Variants in SHROOM4 observed in about 807,000 individuals in gnomAD.
SHROOM4 encodes the protein protein Shroom4.
A neutral mutation model predicts 80.3 loss-of-function variants in SHROOM4; 17 were observed. The ratio of observed to expected loss-of-function variants is 0.21; its 90% CI spans 0.14 to 0.32. The LOEUF (loss-of-function observed/expected upper bound fraction) is 0.32, where lower values mean the gene tolerates loss of function less well. Ranked by LOEUF, SHROOM4 falls within the 10% of genes least tolerant of loss-of-function variation. SHROOM4 has a pLI of 1.00. For synonymous variants in SHROOM4, 400 were observed against 437.5 expected, an observed-to-expected ratio of 0.91 and a Z score of 1.07; for missense variants, 993 against 1,140.3, an observed-to-expected ratio of 0.87 and a Z score of 1.86.
Position 50,700,387 on chromosome X carries a change from C to T in SHROOM4, c.118-4450G>A, listed in dbSNP as rs144721626. Among the ~76,000 whole-genome samples the T allele has an allele frequency of 3.7e-3, 415 of 111,721 alleles. 1 individual carries two copies. Among genetic ancestry groups the T allele is most frequent in the African/African-American group, 0.013 (385 of 30,794 alleles). On this transcript the variant is annotated intron_variant, in intron 1 of 8. Transcript: ENST00000376020. ...CATCAATTTGGCCTTTTCTGGGAAA[C>T]GAATAGAAAAATGTAGAGCTAGGGT...
chrX:50,809,273 G>A (rs1936286658), intron 1 of SHROOM4, among the ~76,000 whole-genome samples: 1 of 111,663 alleles, frequency 9.0e-6, no homozygotes, highest in African/African-American at 3.3e-5. Flanking sequence ...TACCACCTCT[G>A]CACCCAATAA....
At chrX:50,652,732 G>A (rs782382011) in intron 2 of SHROOM4, among the ~76,000 whole-genome samples, 4 of 107,960 alleles carry the variant, frequency 3.7e-5, no homozygotes, top group Admixed American at 9.9e-5. Context: ...TTAATCCATC[G>A]TAATTTTTGT....
chrX:50,769,907 T>G (rs1478230304), intron 1 of SHROOM4, among the ~76,000 whole-genome samples: 1 of 110,007 alleles, frequency 9.1e-6, no homozygotes, highest in African/African-American at 3.3e-5. Flanking sequence ...CCCTGGACTT[T>G]CCTGAACAGA....
intron 1 of SHROOM4, among the ~76,000 whole-genome samples, chrX:50,731,302 T>A (rs1854547931): frequency 9.0e-6 from 1 of 110,693 alleles, no homozygotes; most frequent in South Asian, 3.9e-4. Context: ...TCTCTCCTTC[T>A]TCCACCCAGC....
intron 1 of SHROOM4, among the ~76,000 whole-genome samples, chrX:50,754,897 C>CA (rs1386095466): frequency 2.1e-4 from 24 of 112,109 alleles, no homozygotes; most frequent in African/African-American, 7.1e-4. Flanking sequence ...GCTTTGGCAC[C>CA]AAAATGACCA....
chrX:50,737,098 T>C (rs1420404922), intron 1 of SHROOM4, among the ~76,000 whole-genome samples: 1 of 111,757 alleles, frequency 8.9e-6, no homozygotes, highest in Non-Finnish European at 1.9e-5. Context: ...AATGGAACTA[T>C]ATAAAAGTAA....
At chrX:50,734,282 A>G (rs896424074) in intron 1 of SHROOM4, among the ~76,000 whole-genome samples, 1 of 112,138 alleles carries the variant, frequency 8.9e-6, no homozygotes, top group Non-Finnish European at 1.9e-5. Context: ...AAAAATTCAT[A>G]TGGGACCCAG....
chrX:50,617,634 C>T, intron 5 of SHROOM4, among the ~76,000 whole-genome samples: 1 of 72,237 alleles, frequency 1.4e-5, no homozygotes, highest in Non-Finnish European at 2.5e-5. Flanking sequence ...CCCCCCCCCA[C>T]CCCATCCCGG....
At chrX:50,697,955 C>T (rs937483751) in intron 1 of SHROOM4, among the ~76,000 whole-genome samples, 4 of 112,094 alleles carry the variant, frequency 3.6e-5, no homozygotes, top group Non-Finnish European at 7.5e-5. Context: ...TAACAAAGAA[C>T]CACAAACAGA....
intron 1 of SHROOM4, among the ~76,000 whole-genome samples, chrX:50,698,435 C>T (rs1933430960): frequency 9.0e-6 from 1 of 111,510 alleles, no homozygotes; most frequent in Non-Finnish European, 1.9e-5. Context: ...GATGCTCAGA[C>T]AAAAAGCCAG....
In SHROOM4 at chrX:50,591,864, C is replaced by T. The variant is rs1557245595; in HGVS notation, c.*4831G>A. ...TCCCGAGTAGCTGGGACTACTGGTG[C>T]GTGCCACCACACCTGGCTAATTTTT... On this transcript the variant is annotated 3_prime_UTR_variant, in exon 9 of 9. Coordinates refer to ENST00000376020, the MANE Select transcript of SHROOM4 (RefSeq NM_020717.5). 9.5e-6 allele frequency: 3 copies of T among 314,337 alleles called. No individual in the cohort carries two copies. Among genetic ancestry groups the T allele is most frequent in the Non-Finnish European group, 1.8e-5 (3 of 162,814 alleles). The allele number at this position is 314,337 out of a possible 1,213,427, so 25.9% of individuals were successfully genotyped here.
At chrX:50,800,078 C>T (rs1936088791) in intron 1 of SHROOM4, among the ~76,000 whole-genome samples, 1 of 111,995 alleles carries the variant, frequency 8.9e-6, no homozygotes, top group Non-Finnish European at 1.9e-5. Context: ...AACTTCTGTC[C>T]CCAACATTAT....
At chrX:50,776,753 A>G (rs1472811309) in intron 1 of SHROOM4, among the ~76,000 whole-genome samples, 5 of 109,059 alleles carry the variant, frequency 4.6e-5, no homozygotes, top group Non-Finnish European at 9.5e-5. Flanking sequence ...CAGTGGCATG[A>G]TCATGGCTCA....
intron 5 of SHROOM4, among the ~76,000 whole-genome samples, chrX:50,622,695 G>C (rs972734342): frequency 4.5e-5 from 5 of 111,715 alleles, no homozygotes; most frequent in Admixed American, 9.4e-5. Context: ...GTGTGTGGTG[G>C]TGGGGGAAGG....
chrX:50,691,789 A>C (rs1933227667), intron 2 of SHROOM4, among the ~76,000 whole-genome samples: 1 of 111,844 alleles, frequency 8.9e-6, no homozygotes, highest in Non-Finnish European at 1.9e-5. Context: ...GAATATTCAC[A>C]AATTTTAGGG....
chrX:50,663,149 T>C (rs1932569492), intron 2 of SHROOM4, among the ~76,000 whole-genome samples: 1 of 111,901 alleles, frequency 8.9e-6, no homozygotes, highest in Non-Finnish European at 1.9e-5. Context: ...ACACCAGTTC[T>C]ACCTACTCCC....
intron 5 of SHROOM4, among the ~76,000 whole-genome samples, chrX:50,616,646 A>G (rs2147253049): frequency 9.0e-6 from 1 of 111,577 alleles, no homozygotes; most frequent in South Asian, 3.8e-4. Flanking sequence ...TAAAATGCAA[A>G]TTCATAGGCC....
At chrX:50,786,102 C>G (rs1410056207) in intron 1 of SHROOM4, among the ~76,000 whole-genome samples, 1 of 111,399 alleles carries the variant, frequency 9.0e-6, no homozygotes, top group African/African-American at 3.3e-5. Flanking sequence ...TCTGAGAGAC[C>G]CTGTCAGCAT....
rs1931289468 is a variant in SHROOM4, at chrX:50,635,237, C to T, written c.836G>A (p.Arg279Lys). 1.7e-6 allele frequency: 2 copies of T among 1,202,349 alleles called. No homozygotes were observed. The highest frequency in any genetic ancestry group is 3.0e-5 in the East Asian group (1 of 33,439). ...AVRGPPQPPVRRDSLQASRAQ... is the reference protein window; with the variant it reads ...AVRGPPQPPVKRDSLQASRAQ... ...TCTGGAGGCCTGAAGGCTGTCCCGC[C>T]TCACTGGAGGTTGTGGTGGGCCCCT... is the stretch of plus-strand genomic sequence containing the variant. The change falls in exon 4 of 9, where the codon AGG becomes AAG. Residue 279 changes from arginine (R) to lysine (K), a missense_variant. Coordinates refer to ENST00000376020, the MANE Select transcript of SHROOM4 (RefSeq NM_020717.5).
Sources: allele counts gnomAD v4.1 joint callset (sites outside exome capture counted in the v4.1 genomes callset), GRCh38; gene constraint gnomAD v4.1.1; transcripts MANE v1.5; gene names NCBI Gene and HGNC (gene_info 2026-07-23, HGNC 2026-07-21).